The following GRK6 variants were observed in gnomAD, a reference collection of about 807,000 sequenced individuals.
GRK6 encodes G protein-coupled receptor kinase 6.
In GRK6, 37 loss-of-function variants were observed where a neutral mutation model predicts 80.8. The ratio of observed to expected loss-of-function variants is 0.46; its 90% CI spans 0.35 to 0.60. The LOEUF (loss-of-function observed/expected upper bound fraction) is 0.60. Among genes scored for constraint, GRK6 ranks in the 20% least tolerant of loss-of-function variants. The pLI is 0.00. For synonymous variants in GRK6, 295 were observed against 320.9 expected (o/e 0.92, Z 0.86); for missense variants, 560 against 784.6 (o/e 0.71, Z 3.42).
intron 11 of GRK6, among the ~76,000 whole-genome samples, chr5:177,435,542 C>T (rs1229582378): frequency 1.3e-5 from 2 of 152,208 alleles, no homozygotes; most frequent in Non-Finnish European, 1.5e-5. Context: ...CGCCTCTTGC[C>T]GGTTGCGTGG....
At chr5:177,434,978 G>C (rs1764075929) in intron 10 of GRK6, 39 bp downstream of exon 10, 1 of 1,613,400 alleles carries the variant, frequency 6.2e-7, no homozygotes, top group Non-Finnish European at 8.5e-7. Context: ...GGTGGGGTGA[G>C]ATGCAGAGGC....
chr5:177,432,065 G>A lies in GRK6; in HGVS notation c.219G>A (p.Thr73=), dbSNP rs535367119. ...GRLLFREFCA[T]RPELSRCVAF... Reference sequence around the variant, plus strand: ...TGCTGTTCCGAGAGTTCTGTGCCACGAGGCCGGAGCTGAGCCGCTGCGTCG... The same window carrying A: ...TGCTGTTCCGAGAGTTCTGTGCCACAAGGCCGGAGCTGAGCCGCTGCGTCG... Residue 73 remains threonine, a synonymous_variant, in exon 3 of 16, where the codon ACG becomes ACA. Coordinates refer to ENST00000355472, the MANE Select transcript of GRK6 (RefSeq NM_001004106.3). 14 of 1,612,868 alleles carry A rather than the reference G, an allele frequency of 8.7e-6. No homozygotes were observed. Among genetic ancestry groups the A allele is most frequent in the East Asian group, 4.5e-5 (2 of 44,890 alleles).
chr5:177,436,353 CACCTGCCTG>C, intron 12 of GRK6, 31 bp from the exon 13 acceptor site: 1 of 1,284,898 alleles, frequency 7.8e-7, no homozygotes, highest in Non-Finnish European at 1.1e-6. Flanking sequence ...CCCACCCACT[CACCTGCCTG>C]GCCTGCCTGG....
intron 14 of GRK6, 25 bp from the exon 15 acceptor site, chr5:177,440,894 G>A: frequency 6.2e-7 from 1 of 1,613,824 alleles, no homozygotes; most frequent in Non-Finnish European, 8.5e-7. Flanking sequence ...GGGGACAGCT[G>A]TCACAGCCGC....
At chr5:177,431,958 G>A (rs774409440) in intron 2 of GRK6, 37 bp from the exon 3 acceptor site, 17 of 1,584,478 alleles carry the variant, frequency 1.1e-5, no homozygotes, top group Non-Finnish European at 1.4e-5. Flanking sequence ...ATGTGCTCTC[G>A]GGCTGTGGAC....
chr5:177,434,923 C>T lies in GRK6; in HGVS notation c.951C>T (p.Ile317=). 6.3e-7 allele frequency: 1 copy of T among 1,588,212 alleles called. No individual in the cohort carries two copies. The highest frequency in any genetic ancestry group is 1.3e-5 in the African/African-American group (1 of 74,128). Reference sequence around the variant, plus strand: ...ACAGGGACCTGAAGCCCGAGAACATCTTGCTGGATGACCACGGTGTGTAAG... The same window carrying T: ...ACAGGGACCTGAAGCCCGAGAACATTTTGCTGGATGACCACGGTGTGTAAG... ...IVYRDLKPEN[I]LLDDHGHIRI... Residue 317 remains isoleucine, a synonymous_variant, in exon 10 of 16, where the codon ATC becomes ATT. Transcript: ENST00000355472.
intron 15 of GRK6, chr5:177,441,263 C>A: frequency 6.4e-7 from 1 of 1,564,208 alleles, no homozygotes; most frequent in Non-Finnish European, 8.7e-7. Context: ...AGTGTGGGCT[C>A]CCCGTGGGTT....
At chr5:177,435,992 T>C in intron 11 of GRK6, 81 bp from the exon 12 acceptor site, 1 of 1,212,908 alleles carries the variant, frequency 8.2e-7, no homozygotes. Context: ...ATCCCAGACC[T>C]AACGTGCACT....
In GRK6 at chr5:177,442,362, T is replaced by G. The variant is rs945896237; in HGVS notation, c.*572T>G. Reference sequence around the variant, plus strand: ...GCTTGTCAGCGCTGGGTCTGGGGCCTCTGTATGCCCTAGGCCTGTGCCAAA... The same window carrying G: ...GCTTGTCAGCGCTGGGTCTGGGGCCGCTGTATGCCCTAGGCCTGTGCCAAA... On this transcript the variant is annotated 3_prime_UTR_variant, in exon 16 of 16. Coordinates refer to ENST00000355472, the MANE Select transcript of GRK6 (RefSeq NM_001004106.3). 1 of 159,628 alleles carries G rather than the reference T, an allele frequency of 6.3e-6. No individual in the cohort carries two copies. The highest frequency in any genetic ancestry group is 1.4e-5 in the Non-Finnish European group (1 of 72,236). 9.9% of individuals were successfully genotyped at this position (159,628 alleles called of 1,614,324 possible).
rs1763993358 is a variant in GRK6 at position 177,433,259 on chromosome 5, G to A, written c.533+20G>A. On this transcript the variant is annotated intron_variant, in intron 6 of 15. Coordinates refer to ENST00000355472, the MANE Select transcript of GRK6 (RefSeq NM_001004106.3). ...GGAAAGGTGAGCTCCCTGAAGGCTGGGCCGGGACAGGCCAGGTCGCCGGGG... is the reference window on the plus strand; with the variant it reads ...GGAAAGGTGAGCTCCCTGAAGGCTGAGCCGGGACAGGCCAGGTCGCCGGGG... 2 of 1,613,820 alleles carry A rather than the reference G, an allele frequency of 1.2e-6. No individual in the cohort carries two copies. The highest frequency in any genetic ancestry group is 1.7e-6 in the Non-Finnish European group (2 of 1,179,718).
At chr5:177,440,493 G>A (rs888819898) in intron 13 of GRK6, among the ~76,000 whole-genome samples, 2 of 152,236 alleles carry the variant, frequency 1.3e-5, no homozygotes, top group South Asian at 2.1e-4. Context: ...GAGGAATAAC[G>A]TACGCAGTTC....
Position 177,440,962 on chromosome 5 carries a change from T to G in GRK6, c.1586T>G (p.Leu529Arg). The G allele has an allele frequency of 6.2e-7, 1 of 1,613,972 alleles. No homozygotes were observed. The highest frequency in any genetic ancestry group is 8.5e-7 in the Non-Finnish European group (1 of 1,179,986). Residue 529 changes from leucine (L) to arginine (R), a missense_variant, in exon 15 of 16, where the codon CTG becomes CGG. Transcript: ENST00000355472. ...TTCCAAGAGCTGAATGTCTTTGGGC[T>G]GGATGGCTCAGTTCCCCCAGACCTG... is the stretch of plus-strand genomic sequence containing the variant. ...ECFQELNVFG[L>R]DGSVPPDLDW...
Position 177,430,921 on chromosome 5 carries a change from C to T in GRK6, c.102C>T (p.Leu34=), listed in dbSNP as rs762893811. ...AAAGCAAGAAATGGCGGCAGATGCTCCAGTTCCCTCACATCAGCCAGTGCG... is the reference window on the plus strand; with the variant it reads ...AAAGCAAGAAATGGCGGCAGATGCTTCAGTTCCCTCACATCAGCCAGTGCG... ...KGKSKKWRQM[L]QFPHISQCEE... The change falls in exon 2 of 16, where the codon CTC becomes CTT. Residue 34 remains leucine (L), a synonymous_variant. Transcript: ENST00000355472. The T allele has an allele frequency of 1.9e-6, 3 of 1,613,912 alleles. No homozygotes were observed. The highest frequency in any genetic ancestry group is 2.7e-5 in the African/African-American group (2 of 74,944).
intron 5 of GRK6, 22 bp from the exon 6 acceptor site, chr5:177,433,125 T>C (rs752874027): frequency 1.9e-6 from 3 of 1,606,408 alleles, no homozygotes; most frequent in Non-Finnish European, 2.6e-6. Flanking sequence ...GCGGGTGAGC[T>C]GGGCCTGCCT....
chr5:177,426,778 C>A lies in GRK6; in HGVS notation c.-68C>A. ...GCGCCGAGCCGCGCCGATCGCCATC[C>A]GGCCTCGGCACTCGCGCGCGATCCC... On this transcript the variant is annotated 5_prime_UTR_variant, in exon 1 of 16. Coordinates refer to ENST00000355472, the MANE Select transcript of GRK6 (RefSeq NM_001004106.3). 1.1e-6 allele frequency: 1 copy of A among 908,708 alleles called. No homozygotes were observed. The highest frequency in any genetic ancestry group is 1.3e-6 in the Non-Finnish European group (1 of 751,392). 56.3% of individuals were successfully genotyped at this position (908,708 alleles called of 1,614,324 possible).
At position 177,433,100 on chromosome 5, in the gene GRK6, A is replaced by C; in HGVS notation, c.441-47A>C. The C allele has an allele frequency of 2.0e-6, 3 of 1,509,540 alleles. No homozygotes were observed. The South Asian group carries it at 3.4e-5, about 17-fold the overall frequency. 93.5% of individuals were successfully genotyped at this position (1,509,540 alleles called of 1,614,324 possible). ...CCTGGCCCAGCAAGCCAAGAGCCTG[A>C]GGTGTCAGGGGCTGGCGGGTGAGCT... On this transcript the variant is annotated intron_variant, in intron 5 of 15. Coordinates refer to ENST00000355472, the MANE Select transcript of GRK6 (RefSeq NM_001004106.3).
At chr5:177,431,224 A>G (rs1361955659) in intron 2 of GRK6, among the ~76,000 whole-genome samples, 2 of 152,200 alleles carry the variant, frequency 1.3e-5, no homozygotes, top group Admixed American at 6.5e-5. Context: ...GGGGCAGTTG[A>G]TTCCACTTTG....
At position 177,433,895 on chromosome 5, in the gene GRK6, C is replaced by T. The variant is rs749913180; in HGVS notation, c.739-19C>T. On this transcript the variant is annotated intron_variant, in intron 8 of 15. Transcript: ENST00000355472. ...GCCCCGCAGCTCCTGCCTGAGGGCT[C>T]GGGTCCCCTCGGCCACAGGTGAGCT... is the stretch of plus-strand genomic sequence containing the variant. 7 of 1,542,406 alleles carry T rather than the reference C, an allele frequency of 4.5e-6. No individual in the cohort carries two copies. In the Admixed American group the frequency reaches 5.9e-5, roughly 13 times the overall value.
intron 7 of GRK6, 43 bp from the exon 8 acceptor site, chr5:177,433,493 T>C (rs759344303): frequency 1.2e-6 from 2 of 1,612,708 alleles, no homozygotes; most frequent in Non-Finnish European, 8.5e-7. Context: ...TGCCCAGCAA[T>C]GGCACAGCTG....
Sources: gnomAD v4.1 joint callset for allele counts (sites outside exome capture counted in the v4.1 genomes callset) on GRCh38, gnomAD v4.1.1 for gene constraint, MANE v1.5 for transcripts, NCBI Gene and HGNC (gene_info 2026-07-23, HGNC 2026-07-21) for gene names.